Variants in DLGAP2 observed in about 807,000 individuals in gnomAD.
DLGAP2 encodes disks large-associated protein 2.
Under a neutral mutation model 100.3 loss-of-function variants are expected in DLGAP2, and 26 were observed. That is an observed-to-expected ratio of 0.26 (90% CI 0.19 to 0.36). DLGAP2 has a LOEUF of 0.36. Ranked by LOEUF, DLGAP2 falls within the 10% of genes least tolerant of loss-of-function variation. The probability of loss-of-function intolerance (pLI) is 1.00; values close to 1 mark genes in which losing one functional copy is unlikely to be tolerated. For missense variants in DLGAP2, 1,858 were observed against 1,453.2 expected (o/e 1.28, Z -4.53); for synonymous variants, 886 against 630.1 (o/e 1.41, Z -6.08).
chr8:1,692,418 G>A (rs1409881158), intron 13 of DLGAP2, among the ~76,000 whole-genome samples: 1 of 142,210 alleles, frequency 7.0e-6, no homozygotes, highest in African/African-American at 2.7e-5. Flanking sequence ...CAGGGAGGCG[G>A]ATACGGCCCT....
chr8:1,191,929 A>G (rs1047995396), intron 2 of DLGAP2, among the ~76,000 whole-genome samples: 2 of 152,166 alleles, frequency 1.3e-5, no homozygotes, highest in South Asian at 2.1e-4. Context: ...TCCCTCAACT[A>G]CGGCCATTGT....
intron 2 of DLGAP2, among the ~76,000 whole-genome samples, chr8:1,200,269 A>G (rs1245442129): frequency 6.6e-6 from 1 of 152,104 alleles, no homozygotes; most frequent in Non-Finnish European, 1.5e-5. Context: ...TCGAGGCTTC[A>G]TGCGCCGTCT....
At chr8:1,425,906 G>A (rs187478918) in intron 3 of DLGAP2, among the ~76,000 whole-genome samples, 2 of 152,318 alleles carry the variant, frequency 1.3e-5, no homozygotes, top group South Asian at 2.1e-4. Context: ...GGGAAGAAAG[G>A]AGACTGGGGA....
chr8:1,342,003 T>G (rs1228503117), intron 3 of DLGAP2, among the ~76,000 whole-genome samples: 1 of 152,088 alleles, frequency 6.6e-6, no homozygotes, highest in Non-Finnish European at 1.5e-5. Flanking sequence ...CGGGCTGGAG[T>G]GCAATGGTGT....
chr8:1,450,767 C>T (rs774955328), intron 3 of DLGAP2, among the ~76,000 whole-genome samples: 27 of 152,064 alleles, frequency 1.8e-4, no homozygotes, highest in South Asian at 8.3e-4. Context: ...TATGTCTCTG[C>T]GCTCAACGTT....
At chr8:1,089,123 C>G (rs1020781242) in intron 2 of DLGAP2, among the ~76,000 whole-genome samples, 2 of 149,970 alleles carry the variant, frequency 1.3e-5, no homozygotes, top group African/African-American at 2.5e-5. Context: ...CTCACTCTCT[C>G]CACCCCTCAT....
At chr8:1,069,905 G>A (rs7823052) in intron 2 of DLGAP2, among the ~76,000 whole-genome samples, 7,034 of 152,180 alleles carry the variant, frequency 0.046, 537 homozygotes, top group African/African-American at 0.16. Context: ...TTCCCCTCCC[G>A]TCCTCCTTTT....
At chr8:958,095 C>T (rs922487881) in intron 2 of DLGAP2, among the ~76,000 whole-genome samples, 1 of 152,154 alleles carries the variant, frequency 6.6e-6, no homozygotes, top group African/African-American at 2.4e-5. Flanking sequence ...GTCTATAAAT[C>T]TGACCATTCT....
At chr8:1,087,294 A>G (rs886904515) in intron 2 of DLGAP2, among the ~76,000 whole-genome samples, 10 of 152,124 alleles carry the variant, frequency 6.6e-5, no homozygotes, top group African/African-American at 2.2e-4. Flanking sequence ...CTCAATAAAC[A>G]TGATTTTAGT....
chr8:942,771 G>A (rs1223553584), intron 2 of DLGAP2, among the ~76,000 whole-genome samples: 1 of 152,180 alleles, frequency 6.6e-6, no homozygotes, highest in Non-Finnish European at 1.5e-5. Context: ...GATTCACAGG[G>A]CTCAGCATGA....
chr8:831,338 T>C (rs1013837865), intron 1 of DLGAP2, among the ~76,000 whole-genome samples: 2 of 150,680 alleles, frequency 1.3e-5, no homozygotes, highest in Admixed American at 1.3e-4. Flanking sequence ...TTACATTAGG[T>C]ATTTCTCCTA....
chr8:1,552,595 TG>T (rs771171296), intron 5 of DLGAP2, among the ~76,000 whole-genome samples: 21 of 152,336 alleles, frequency 1.4e-4, no homozygotes, highest in Admixed American at 9.2e-4. Context: ...TACAGGTTTC[TG>T]GGTCCTCACA....
At chr8:812,798 A>G (rs1796396164) in intron 1 of DLGAP2, among the ~76,000 whole-genome samples, 1 of 152,238 alleles carries the variant, frequency 6.6e-6, no homozygotes, top group African/African-American at 2.4e-5. Context: ...GATCAAAATT[A>G]CAACATTCAG....
In DLGAP2 at chr8:1,593,987, A is replaced by T. The variant is rs1437287298; in HGVS notation, c.1442+28093A>T. Among the ~76,000 whole-genome samples, 4 of 152,214 alleles carry T rather than the reference A, an allele frequency of 2.6e-5. No individual in the cohort carries two copies. In the South Asian group the frequency reaches 6.2e-4, roughly 24 times the overall value. The stretch of plus-strand genomic sequence containing the variant: ...CTGTTGGGTCCAGCAGTCCAGCCAC[A>T]TAGGGGAGGACAGAGATGACAGCTT... On this transcript the variant is annotated intron_variant, in intron 6 of 14. Transcript: ENST00000637795.
chr8:1,487,908 C>G (rs185663257), intron 3 of DLGAP2, among the ~76,000 whole-genome samples: 78 of 152,344 alleles, frequency 5.1e-4, no homozygotes, highest in Non-Finnish European at 3.1e-4. Context: ...TGGAGCTGCT[C>G]TGCCACGTCC....
At chr8:1,340,846 T>C (rs1407655873) in intron 3 of DLGAP2, among the ~76,000 whole-genome samples, 1 of 152,148 alleles carries the variant, frequency 6.6e-6, no homozygotes, top group Non-Finnish European at 1.5e-5. Flanking sequence ...ATGCCATCAA[T>C]GGTAGATTGG....
intron 14 of DLGAP2, among the ~76,000 whole-genome samples, chr8:1,698,348 GCAGGTCCACGTAAGCCATGCATGGGA>G (rs1403214285): frequency 2.1e-5 from 3 of 145,740 alleles, no homozygotes; most frequent in Admixed American, 6.9e-5. Flanking sequence ...GTGGGACTAG[GCAGGTCCACGTAAGCCATGCATGGGA>G]CAGGTCCACG....
At chr8:1,693,561 G>A (rs1424528119) in intron 13 of DLGAP2, among the ~76,000 whole-genome samples, 2 of 152,172 alleles carry the variant, frequency 1.3e-5, no homozygotes, top group African/African-American at 4.8e-5. Context: ...AATGGTGCCA[G>A]GTGTTTTGAT....
intron 3 of DLGAP2, among the ~76,000 whole-genome samples, chr8:1,375,090 CA>C: frequency 6.8e-6 from 1 of 147,806 alleles, no homozygotes. Context: ...TCCACGACCT[CA>C]GAACTGAGCC....
Sources: allele counts gnomAD v4.1 joint callset (sites outside exome capture counted in the v4.1 genomes callset), GRCh38; gene constraint gnomAD v4.1.1; transcripts MANE v1.5; gene names NCBI Gene and HGNC (gene_info 2026-07-23, HGNC 2026-07-21).